Variants in KIAA0825 observed in about 807,000 individuals in gnomAD.
KIAA0825 encodes uncharacterized protein KIAA0825.
KIAA0825 carries 119 observed loss-of-function variants against 147.6 expected under a neutral mutation model. The ratio of observed to expected loss-of-function variants is 0.81; its 90% CI spans 0.69 to 0.94. The LOEUF (loss-of-function observed/expected upper bound fraction) is 0.94, where lower values mean the gene tolerates loss of function less well. KIAA0825 is among the 40% of genes least tolerant of loss of function. The probability of loss-of-function intolerance (pLI) is 0.00; values close to 1 mark genes in which losing one functional copy is unlikely to be tolerated. For missense variants in KIAA0825, 1,381 were observed against 1,472.7 expected (o/e 0.94, Z 1.02); for synonymous variants, 470 against 518.1 (o/e 0.91, Z 1.26).
chr5:94,560,117 C>G (rs902163179), intron 2 of KIAA0825, among the ~76,000 whole-genome samples: 2 of 152,210 alleles, frequency 1.3e-5, no homozygotes, highest in Non-Finnish European at 2.9e-5. Context: ...AACCTCTTCT[C>G]TCCCTCCTAT....
chr5:94,360,761 T>C (rs933126675), intron 20 of KIAA0825, among the ~76,000 whole-genome samples: 1 of 152,196 alleles, frequency 6.6e-6, no homozygotes, highest in Non-Finnish European at 1.5e-5. Context: ...GGATATAATC[T>C]AGAAATAACC....
intron 5 of KIAA0825, among the ~76,000 whole-genome samples, chr5:94,499,015 C>CT (rs1294614855): frequency 2.0e-5 from 3 of 152,202 alleles, no homozygotes; most frequent in Non-Finnish European, 4.4e-5. Context: ...TCATCTTTTT[C>CT]TTTTACCTCC....
rs1040398366 is a variant in KIAA0825, at chr5:94,440,013, T to G, written c.2466A>C (p.Gly822=). 2.6e-6 allele frequency: 4 copies of G among 1,551,738 alleles called. No individual in the cohort carries two copies. The highest frequency in any genetic ancestry group is 3.5e-6 in the Non-Finnish European group (4 of 1,146,836). The change falls in exon 14 of 21, where the codon GGA becomes GGC. Residue 822 remains glycine (G), a synonymous_variant. Transcript: ENST00000682413. ...TCTTCAGCAAGATTCTCAGTAAAAG[T>G]CCATCATGATGCAGTAGGGTTTCCA... ...LLLETLLHHD[G]LLLRILLKSS...
intron 20 of KIAA0825, among the ~76,000 whole-genome samples, chr5:94,351,510 C>A (rs543693554): frequency 2.0e-5 from 3 of 152,182 alleles, no homozygotes; most frequent in Admixed American, 2.0e-4. Context: ...AGTGACTATA[C>A]TGCCAAAAGA....
At chr5:94,551,923 A>G (rs1775615381) in intron 2 of KIAA0825, among the ~76,000 whole-genome samples, 1 of 152,130 alleles carries the variant, frequency 6.6e-6, no homozygotes, top group African/African-American at 2.4e-5. Flanking sequence ...GTAAGTCCTC[A>G]CTTATCAATA....
intron 20 of KIAA0825, among the ~76,000 whole-genome samples, chr5:94,177,011 C>T (rs1486222751): frequency 6.6e-6 from 1 of 151,950 alleles, no homozygotes; most frequent in East Asian, 1.9e-4. Context: ...ATCCCCACCC[C>T]GAGCAAACAC....
intron 1 of KIAA0825, among the ~76,000 whole-genome samples, chr5:94,603,320 A>C (rs1169739071): frequency 6.6e-6 from 1 of 152,206 alleles, no homozygotes; most frequent in Non-Finnish European, 1.5e-5. Flanking sequence ...GTATCCGGCC[A>C]AACTAAGCTT....
chr5:94,246,475 G>C (rs373862493), intron 20 of KIAA0825, among the ~76,000 whole-genome samples: 9 of 152,108 alleles, frequency 5.9e-5, no homozygotes, highest in African/African-American at 2.2e-4. Context: ...CCTTGGGAGA[G>C]TGGGTGGGTC....
At chr5:94,456,174 C>T (rs1343310662) in intron 12 of KIAA0825, among the ~76,000 whole-genome samples, 1 of 152,146 alleles carries the variant, frequency 6.6e-6, no homozygotes, top group Non-Finnish European at 1.5e-5. Context: ...ATCTTTGTAG[C>T]CTTTCTCATA....
chr5:94,168,993 A>G (rs946555199), intron 20 of KIAA0825, among the ~76,000 whole-genome samples: 2 of 152,218 alleles, frequency 1.3e-5, no homozygotes, highest in African/African-American at 4.8e-5. Flanking sequence ...TTCATCAAGA[A>G]AAGGATTACA....
intron 2 of KIAA0825, among the ~76,000 whole-genome samples, chr5:94,541,828 C>G (rs2151377820): frequency 6.6e-6 from 1 of 152,298 alleles, no homozygotes; most frequent in Non-Finnish European, 1.5e-5. Flanking sequence ...AGTATAAAGT[C>G]ATACAGGAAG....
chr5:94,174,218 C>T (rs1345554184), intron 20 of KIAA0825, among the ~76,000 whole-genome samples: 1 of 152,142 alleles, frequency 6.6e-6, no homozygotes, highest in Non-Finnish European at 1.5e-5. Context: ...CAAAGGCCAA[C>T]ACTTTAACCA....
intron 5 of KIAA0825, among the ~76,000 whole-genome samples, chr5:94,485,287 T>C (rs926075476): frequency 6.6e-6 from 1 of 151,566 alleles, no homozygotes; most frequent in East Asian, 1.9e-4. Flanking sequence ...CAAACCCAAA[T>C]TGAGGGACAG....
chr5:94,490,302 G>C (rs1168598789), intron 5 of KIAA0825, among the ~76,000 whole-genome samples: 2 of 152,030 alleles, frequency 1.3e-5, no homozygotes, highest in African/African-American at 4.8e-5. Context: ...GTTAGGTTCA[G>C]GCCAGAACAA....
intron 4 of KIAA0825, among the ~76,000 whole-genome samples, chr5:94,522,753 A>G (rs556271002): frequency 1.3e-5 from 2 of 151,796 alleles, no homozygotes; most frequent in South Asian, 2.1e-4. Context: ...AAAAAAACCT[A>G]GGACTGGGAC....
At chr5:94,311,841 C>T (rs1001089212) in intron 20 of KIAA0825, among the ~76,000 whole-genome samples, 2 of 151,578 alleles carry the variant, frequency 1.3e-5, no homozygotes, top group African/African-American at 4.8e-5. Context: ...TATTTCTTTA[C>T]GTGGTAAATA....
intron 20 of KIAA0825, among the ~76,000 whole-genome samples, chr5:94,253,910 AT>A (rs1776105785): frequency 6.6e-6 from 1 of 152,168 alleles, no homozygotes; most frequent in Admixed American, 6.6e-5. Context: ...AGCACAATGC[AT>A]CTTCACTGTC....
chr5:94,554,716 CTATATATATATATATATATATATATA>C lies in KIAA0825; in HGVS notation c.-1-17615_-1-17590del, dbSNP rs70978114. Among the ~76,000 whole-genome samples, 54 of 67,100 alleles carry C rather than the reference CTATATATATATATATATATATATATA, an allele frequency of 8.0e-4. 1 individual carries two copies. The highest frequency in any genetic ancestry group is 1.6e-3 in the African/African-American group (32 of 19,634). The allele number at this position is 67,100 out of a possible 152,430, so 44.0% of individuals were successfully genotyped here. A position where few individuals can be genotyped will look rare whatever the true frequency, so the allele number is the denominator to read the frequency against. On this transcript the variant is annotated intron_variant, in intron 2 of 20. Coordinates refer to ENST00000682413, the MANE Select transcript of KIAA0825 (RefSeq NM_001145678.3). ...TATGAGCCAGGCATTGTTCTGTGTACTATATATATATATATATATATATATATATATATATATATATATATGAATTC... is the reference window on the plus strand; with the variant it reads ...TATGAGCCAGGCATTGTTCTGTGTACTATATATATATATATATATGAATTC...
intron 20 of KIAA0825, among the ~76,000 whole-genome samples, chr5:94,339,348 AG>A (rs1482433974): frequency 1.3e-5 from 2 of 152,160 alleles, no homozygotes; most frequent in Non-Finnish European, 2.9e-5. Context: ...TAAAAATTGT[AG>A]ATAGATTTTT....
Sources: gnomAD v4.1 joint callset for allele counts (sites outside exome capture counted in the v4.1 genomes callset) on GRCh38, gnomAD v4.1.1 for gene constraint, MANE v1.5 for transcripts, NCBI Gene and HGNC (gene_info 2026-07-23, HGNC 2026-07-21) for gene names.